The following STXBP2 variants were observed in gnomAD, a reference collection of about 807,000 sequenced individuals.
STXBP2 encodes the protein syntaxin binding protein 2.
A neutral mutation model predicts 72.2 loss-of-function variants in STXBP2; 47 were observed. That is an observed-to-expected ratio of 0.65 (90% CI 0.51 to 0.83). The LOEUF (loss-of-function observed/expected upper bound fraction) is 0.83, where lower values mean the gene tolerates loss of function less well. Among genes scored for constraint, STXBP2 ranks in the 40% least tolerant of loss-of-function variants. The pLI, the probability that STXBP2 is intolerant of heterozygous loss-of-function variation, is 0.00. For missense variants in STXBP2, 702 were observed against 807.6 expected, an observed-to-expected ratio of 0.87 and a Z score of 1.58; for synonymous variants, 367 against 338.7, an observed-to-expected ratio of 1.08 and a Z score of -0.92.
At chr19:7,640,336 GTGTGTGTATGCGTCTGTGCA>G (rs1191448680) in intron 4 of STXBP2, 20 of 526,898 alleles carry the variant, frequency 3.8e-5, no homozygotes, top group Non-Finnish European at 6.2e-5. Flanking sequence ...GTGTGTATGC[GTGTGTGTATGCGTCTGTGCA>G]TGTGTGTATG....
chr19:7,637,098 C>G, upstream of STXBP2: 1 of 1,235,206 alleles, frequency 8.1e-7, no homozygotes, highest in Non-Finnish European at 1.0e-6. Context: ...CGCGGGGCCA[C>G]GCCCCCACCT....
At chr19:7,645,862 T>G in intron 15 of STXBP2, 1 of 351,216 alleles carries the variant, frequency 2.8e-6, no homozygotes, top group Non-Finnish European at 5.3e-6. Flanking sequence ...GCCTTCCCCT[T>G]TCTCTCTGTT....
Position 7,642,070 on chromosome 19 carries a change from C to T in STXBP2, c.615C>T (p.Val205=), listed in dbSNP as rs1686593119. 6.2e-7 allele frequency: 1 copy of T among 1,614,108 alleles called. No individual in the cohort carries two copies. Among genetic ancestry groups the T allele is most frequent in the African/African-American group, 1.3e-5 (1 of 75,052 alleles). Residue 205 remains valine (V), a synonymous_variant, in exon 8 of 19, where the codon GTC becomes GTT. Coordinates refer to ENST00000221283, the MANE Select transcript of STXBP2 (RefSeq NM_006949.4). This position sits in a 1 kb window ranked among gnomAD's most constrained non-coding sequence, Gnocchi z 6.0. ...PEDTAQLAHA[V]LAKLNAFKAD... The stretch of plus-strand genomic sequence containing the variant: ...ACACAGCCCAGTTGGCCCACGCCGT[C>T]CTGGCCAAGCTGAACGCCTTCAAGG...
rs373213157 is a variant in STXBP2, at chr19:7,643,128, C to T, written c.1027-37C>T. 3.1e-6 allele frequency: 5 copies of T among 1,613,904 alleles called. No homozygotes were observed. The Admixed American group carries it at 5.0e-5, about 16-fold the overall frequency. On this transcript the variant is annotated intron_variant, in intron 12 of 18. Coordinates refer to ENST00000221283, the MANE Select transcript of STXBP2 (RefSeq NM_006949.4). ...TGTCTGCGTTCTGCCTTGACTCAGC[C>T]TTTGTTATCCCCCAACCCCCACCCT...
chr19:7,637,289 G>T (rs1382842887), intron 1 of STXBP2, 103 bp downstream of exon 1: 13 of 1,145,944 alleles, frequency 1.1e-5, no homozygotes, highest in Non-Finnish European at 1.4e-5. Context: ...GGGAGTTGGG[G>T]GCCGGGCTGG....
chr19:7,647,435 C>T lies in STXBP2; in HGVS notation c.1620C>T (p.Gly540=), dbSNP rs374131788. Residue 540 remains glycine, a synonymous_variant, in exon 18 of 19, where the codon GGC becomes GGT. Coordinates refer to ENST00000221283, the MANE Select transcript of STXBP2 (RefSeq NM_006949.4). ...CCCGGCTCATCGTGTATGTCATGGG[C>T]GGTGTGGCCATGTCAGAGATGAGGG... is the stretch of plus-strand genomic sequence containing the variant. ...AGPRLIVYVM[G]GVAMSEMRAA... The T allele has an allele frequency of 4.9e-5, 79 of 1,613,500 alleles. No individual in the cohort carries two copies. The highest frequency in any genetic ancestry group is 5.9e-5 in the Non-Finnish European group (70 of 1,179,896).
At chr19:7,632,714 A>T, upstream of STXBP2, 1 of 1,555,248 alleles carries the variant, frequency 6.4e-7, no homozygotes, top group Non-Finnish European at 8.7e-7. This position sits in a 1 kb window ranked among gnomAD's most constrained non-coding sequence, Gnocchi z 5.2. Context: ...GCCCATGCTC[A>T]CGGCTCTTGG....
upstream of STXBP2, among the ~76,000 whole-genome samples, chr19:7,634,817 G>A (rs139393693): frequency 8.3e-4 from 126 of 152,308 alleles, no homozygotes; most frequent in Non-Finnish European, 9.7e-4. Flanking sequence ...GTGGCCTGCC[G>A]TCCTTGATGT....
Position 7,644,607 on chromosome 19 carries a change from C to A in STXBP2, c.1108-7C>A. 6.2e-7 allele frequency: 1 copy of A among 1,611,666 alleles called. No homozygotes were observed. The highest frequency in any genetic ancestry group is 8.5e-7 in the Non-Finnish European group (1 of 1,179,752). On this transcript the variant is annotated splice_polypyrimidine_tract_variant and splice_region_variant and intron_variant, in intron 13 of 18. Coordinates refer to ENST00000221283, the MANE Select transcript of STXBP2 (RefSeq NM_006949.4). ...CGGCCGGTGGACGGCTGACCCCATG[C>A]CCGCAGGACCTGGCCATGGGCTCCG...
Position 7,642,486 on chromosome 19 carries a change from CGAT to C in STXBP2, c.855_857del (p.Asp286del). 1 of 1,614,062 alleles carries C rather than the reference CGAT, an allele frequency of 6.2e-7. No individual in the cohort carries two copies. The highest frequency in any genetic ancestry group is 1.1e-5 in the South Asian group (1 of 91,088). On this transcript the variant is annotated inframe_deletion, in exon 10 of 19. Transcript: ENST00000221283. This position sits in a 1 kb window ranked among gnomAD's most constrained non-coding sequence, Gnocchi z 6.0. The stretch of plus-strand genomic sequence containing the variant: ...AGAAGGCCGTCTTGCTGGACGAGGA[CGAT>C]GACTTGTGGGTGGAGCTTCGCCACA...
At chr19:7,640,539 T>TGTGC (rs567637942) in intron 4 of STXBP2, 192 bp from the exon 5 acceptor site, 2 of 710,908 alleles carry the variant, frequency 2.8e-6, no homozygotes, top group South Asian at 1.5e-5. Flanking sequence ...TGTATGTGTG[T>TGTGC]GTGCGTGCGT....
At position 7,642,687 on chromosome 19, in the gene STXBP2, C is replaced by A; in HGVS notation, c.903-79C>A. The A allele has an allele frequency of 6.7e-7, 1 of 1,502,576 alleles. No homozygotes were observed. Among genetic ancestry groups the A allele is most frequent in the Non-Finnish European group, 9.2e-7 (1 of 1,084,864 alleles). The allele number at this position is 1,502,576 out of a possible 1,614,324, so 93.1% of individuals were successfully genotyped here. A position where few individuals can be genotyped will look rare whatever the true frequency, so the allele number is the denominator to read the frequency against. On this transcript the variant is annotated intron_variant, in intron 10 of 18. Coordinates refer to ENST00000221283, the MANE Select transcript of STXBP2 (RefSeq NM_006949.4). The surrounding 1 kb of genome is among the most constrained non-coding windows in gnomAD (Gnocchi z 6.0). ...GCCTCCAATTTCACCCCACCTCTCC[C>A]TGTCCCCCCTGAGTGGGCTCACCCA...
the STXBP2 span, chr19:7,630,795 G>T: frequency 6.5e-7 from 1 of 1,537,206 alleles, no homozygotes; most frequent in Non-Finnish European, 8.7e-7. Context: ...CCTTTGGCTC[G>T]TGTCCCATTT....
chr19:7,632,969 C>G, upstream of STXBP2: 1 of 1,468,316 alleles, frequency 6.8e-7, no homozygotes, highest in Non-Finnish European at 9.0e-7. This position sits in a 1 kb window ranked among gnomAD's most constrained non-coding sequence, Gnocchi z 5.2. Context: ...CCCCGCCGAT[C>G]CTCTCTGCAG....
At chr19:7,635,706 A>G (rs2031501858), upstream of STXBP2, among the ~76,000 whole-genome samples, 1 of 152,158 alleles carries the variant, frequency 6.6e-6, no homozygotes, top group Admixed American at 6.5e-5. Context: ...TTACAAAACA[A>G]AAACAAACAA....
At chr19:7,640,058 A>C (rs1363627572) in intron 4 of STXBP2, 147 of 603,186 alleles carry the variant, frequency 2.4e-4, no homozygotes, top group Non-Finnish European at 1.5e-4. Flanking sequence ...ATTTGTGTGT[A>C]TGTGTGTATG....
intron 13 of STXBP2, among the ~76,000 whole-genome samples, chr19:7,644,016 C>CCTGGGTGAGGGGTGGAGCCTT (rs1568469302): frequency 6.3e-5 from 4 of 63,446 alleles, no homozygotes; most frequent in Non-Finnish European, 6.6e-5. Context: ...GGTGGAACCT[C>CCTGGGTGAGGGGTGGAGCCTT]GGAGAGGTGG....
intron 16 of STXBP2, 145 bp downstream of exon 16, chr19:7,646,489 G>T: frequency 3.6e-6 from 3 of 821,956 alleles, no homozygotes; most frequent in Non-Finnish European, 6.0e-6. Flanking sequence ...CTCTGCTGAG[G>T]GGGGCACGCC....
At chr19:7,633,534 A>G, upstream of STXBP2, 2 of 1,448,262 alleles carry the variant, frequency 1.4e-6, no homozygotes, top group South Asian at 2.5e-5. Flanking sequence ...AACGTCCAGG[A>G]CGTGGGGGTG....
Sources: gnomAD v4.1 joint callset for allele counts (sites outside exome capture counted in the v4.1 genomes callset) on GRCh38, gnomAD v4.1.1 for gene constraint, Gnocchi (gnomAD v3.1) non-coding constraint, MANE v1.5 for transcripts, NCBI Gene and HGNC (gene_info 2026-07-23, HGNC 2026-07-21) for gene names.